NRXN3: variants seen among roughly 807,000 people sequenced by gnomAD.
NRXN3 encodes the protein neurexin III.
Under a neutral mutation model 137.6 loss-of-function variants are expected in NRXN3, and 32 were observed. The observed-to-expected ratio is 0.23, with a 90% CI of 0.18 to 0.31. NRXN3 has a LOEUF of 0.31. NRXN3 is among the 10% of genes least tolerant of loss of function. The probability of loss-of-function intolerance (pLI) is 1.00; values close to 1 mark genes in which losing one functional copy is unlikely to be tolerated. For synonymous variants in NRXN3, 798 were observed against 784.5 expected (o/e 1.02, Z -0.29); for missense variants, 1,574 against 2,062.5 (o/e 0.76, Z 4.59).
chr14:79,064,064 A>G (rs2099677594), intron 15 of NRXN3, among the ~76,000 whole-genome samples: 1 of 152,184 alleles, frequency 6.6e-6, no homozygotes, highest in Non-Finnish European at 1.5e-5. Context: ...ATTCCTAAAT[A>G]ATTAAACGGT....
chr14:78,293,650 C>G (rs1440320357), intron 3 of NRXN3, among the ~76,000 whole-genome samples: 1 of 152,174 alleles, frequency 6.6e-6, no homozygotes, highest in African/African-American at 2.4e-5. Flanking sequence ...CCTGATCCAT[C>G]TCGTTCACAG....
chr14:78,551,679 C>T (rs2096691478), intron 4 of NRXN3, among the ~76,000 whole-genome samples: 1 of 149,374 alleles, frequency 6.7e-6, no homozygotes, highest in Non-Finnish European at 1.5e-5. Context: ...CTCCTCACCT[C>T]CTCCCCTTTC....
At chr14:78,957,014 A>G (rs1410461608) in intron 10 of NRXN3, among the ~76,000 whole-genome samples, 1 of 152,116 alleles carries the variant, frequency 6.6e-6, no homozygotes, top group Non-Finnish European at 1.5e-5. Context: ...AGAAGGCACT[A>G]TTTTTTTCAT....
At position 78,706,440 on chromosome 14, in the gene NRXN3, G is replaced by A. The variant is rs74840491; in HGVS notation, c.1222-2777G>A. Among the ~76,000 whole-genome samples, 745 of 152,312 alleles carry A rather than the reference G, an allele frequency of 4.9e-3. 6 individuals are homozygous for A. Among genetic ancestry groups the A allele is most frequent in the East Asian group, 0.041 (211 of 5,178 alleles). ...TTGAATTGTGAAGTTGAGCATGCAT[G>A]ACTTTCCATGTAATGTTAAAGATAA... On this transcript the variant is annotated intron_variant, in intron 6 of 20. Transcript: ENST00000335750.
chr14:78,469,875 C>T (rs899653606), intron 4 of NRXN3, among the ~76,000 whole-genome samples: 1 of 152,158 alleles, frequency 6.6e-6, no homozygotes, highest in African/African-American at 2.4e-5. Context: ...GCTAAAACTG[C>T]CTCTTCCTTG....
intron 15 of NRXN3, among the ~76,000 whole-genome samples, chr14:79,283,385 A>C (rs2081615549): frequency 1.3e-5 from 2 of 152,092 alleles, no homozygotes; most frequent in African/African-American, 4.8e-5. Flanking sequence ...GCTGTTCATC[A>C]GTTGGTGCTC....
intron 4 of NRXN3, among the ~76,000 whole-genome samples, chr14:78,324,987 G>A (rs180857118): frequency 2.0e-5 from 3 of 152,044 alleles, no homozygotes; most frequent in East Asian, 1.9e-4. Flanking sequence ...GTGTCATGGC[G>A]ATGGCTTGTG....
At chr14:79,631,975 A>C (rs1233176289) in intron 16 of NRXN3, among the ~76,000 whole-genome samples, 1 of 152,192 alleles carries the variant, frequency 6.6e-6, no homozygotes, top group African/African-American at 2.4e-5. Flanking sequence ...AATCAGCAGG[A>C]GGTCGGTAGG....
At chr14:78,769,908 A>G (rs1261764726) in intron 8 of NRXN3, among the ~76,000 whole-genome samples, 2 of 151,530 alleles carry the variant, frequency 1.3e-5, no homozygotes, top group Non-Finnish European at 2.9e-5. Flanking sequence ...AGGGACAGGG[A>G]TGCCAGGGTG....
intron 10 of NRXN3, among the ~76,000 whole-genome samples, chr14:78,887,754 A>G (rs912217724): frequency 1.1e-4 from 17 of 152,146 alleles, no homozygotes; most frequent in Admixed American, 5.2e-4. Flanking sequence ...TTCTAACAAA[A>G]AGAAGGGGAG....
intron 15 of NRXN3, among the ~76,000 whole-genome samples, chr14:79,006,218 C>G (rs1440553824): frequency 8.8e-6 from 1 of 113,742 alleles, no homozygotes. Context: ...TAAACAGACC[C>G]TAGTGCAATG....
intron 1 of NRXN3, among the ~76,000 whole-genome samples, chr14:78,233,691 A>AAAC (rs2065784627): frequency 6.6e-6 from 1 of 150,644 alleles, no homozygotes; most frequent in African/African-American, 2.4e-5. Flanking sequence ...TATGCTTCAA[A>AAAC]AAAAAAAAAA....
rs541438380 is a variant in NRXN3, at chr14:78,283,700, G to C, written c.727+5038G>C. ...ATTTTTGTATTTTTAGCAGAGACGG[G>C]GTTCCACCATGTTGGCCAGGCTTGT... On this transcript the variant is annotated intron_variant, in intron 3 of 20. Coordinates refer to ENST00000335750, the MANE Select transcript of NRXN3 (RefSeq NM_001330195.2). Among the ~76,000 whole-genome samples, 30 of 152,148 alleles carry C rather than the reference G, an allele frequency of 2.0e-4. 1 individual carries two copies. In the South Asian group the frequency reaches 4.8e-3, roughly 24 times the overall value.
chr14:78,780,622 A>G (rs763410367), intron 8 of NRXN3, among the ~76,000 whole-genome samples: 1 of 152,206 alleles, frequency 6.6e-6, no homozygotes, highest in African/African-American at 2.4e-5. Context: ...AAATAACCCA[A>G]TGAAAAATGA....
At chr14:79,637,591 G>A (rs2098410775) in intron 16 of NRXN3, among the ~76,000 whole-genome samples, 1 of 152,120 alleles carries the variant, frequency 6.6e-6, no homozygotes, top group African/African-American at 2.4e-5. Context: ...CAGCAAACAT[G>A]TAGCTCATCA....
intron 8 of NRXN3, among the ~76,000 whole-genome samples, chr14:78,742,403 T>C (rs1231910240): frequency 6.6e-6 from 1 of 152,186 alleles, no homozygotes; most frequent in Non-Finnish European, 1.5e-5. Flanking sequence ...GGAAATTCTA[T>C]TAAGAACTAT....
At chr14:79,173,620 T>G (rs1568497762) in intron 15 of NRXN3, among the ~76,000 whole-genome samples, 1 of 151,936 alleles carries the variant, frequency 6.6e-6, no homozygotes, top group Non-Finnish European at 1.5e-5. Context: ...TAATAAAATG[T>G]GTCCATGAGA....
chr14:79,048,468 T>G (rs2099636332), intron 15 of NRXN3, among the ~76,000 whole-genome samples: 2 of 152,192 alleles, frequency 1.3e-5, no homozygotes, highest in South Asian at 4.1e-4. Context: ...GGCACACAGC[T>G]TTATTTCCCA....
intron 1 of NRXN3, among the ~76,000 whole-genome samples, chr14:78,224,263 A>C (rs919869009): frequency 6.6e-6 from 1 of 150,684 alleles, no homozygotes; most frequent in Admixed American, 6.6e-5. Flanking sequence ...ACCTACATTT[A>C]CTTTTTTTGT....
Sources: gnomAD v4.1 joint callset for allele counts (sites outside exome capture counted in the v4.1 genomes callset) on GRCh38, gnomAD v4.1.1 for gene constraint, MANE v1.5 for transcripts, NCBI Gene and HGNC (gene_info 2026-07-23, HGNC 2026-07-21) for gene names.